MIS18BP1: variants seen among roughly 807,000 people sequenced by gnomAD.
The protein encoded by MIS18BP1 is MIS18 binding protein 1.
MIS18BP1 carries 72 observed loss-of-function variants against 116.1 expected under a neutral mutation model. The ratio of observed to expected loss-of-function variants is 0.62; its 90% CI spans 0.51 to 0.75. The LOEUF is 0.75. Ranked by LOEUF, MIS18BP1 falls within the 30% of genes least tolerant of loss-of-function variation. The pLI, the probability that MIS18BP1 is intolerant of heterozygous loss-of-function variation, is 0.00. For missense variants in MIS18BP1, 1,363 were observed against 1,303.2 expected, an observed-to-expected ratio of 1.05 and a Z score of -0.71; for synonymous variants, 386 against 427.0, an observed-to-expected ratio of 0.90 and a Z score of 1.18.
In MIS18BP1 at chr14:45,247,112, T is replaced by G; in HGVS notation, c.175A>C (p.Lys59Gln). ...QNSSLKLNDH[K>Q]KNQFLKMTTF... is the part of the protein sequence containing the mutation. ...GTCATTTTTAGGAACTGATTCTTTT[T>G]ATGGTCATTCAATTTTAAGGAGGAG... is the stretch of plus-strand genomic sequence containing the variant. Residue 59 changes from lysine (K) to glutamine (Q), a missense_variant, in exon 2 of 17, where the codon AAA becomes CAA. By Grantham distance (53) the Lys-to-Gln change is moderately conservative (BLOSUM62 1). Transcript: ENST00000310806. 1 of 1,612,920 alleles carries G rather than the reference T, an allele frequency of 6.2e-7. No homozygotes were observed. The highest frequency in any genetic ancestry group is 2.2e-5 in the East Asian group (1 of 44,844).
chr14:45,233,093 A>G (rs984819534), intron 6 of MIS18BP1, among the ~76,000 whole-genome samples: 1 of 152,172 alleles, frequency 6.6e-6, no homozygotes, highest in African/African-American at 2.4e-5. Flanking sequence ...AGGTGTATCG[A>G]TATGTCCATG....
At chr14:45,223,569 C>G (rs573791819) in intron 11 of MIS18BP1, among the ~76,000 whole-genome samples, 20 of 152,234 alleles carry the variant, frequency 1.3e-4, no homozygotes, top group Non-Finnish European at 2.5e-4. Flanking sequence ...GGGCGAGACT[C>G]CGTCTCAATC....
chr14:45,225,172 CA>C (rs933602049), intron 10 of MIS18BP1, among the ~76,000 whole-genome samples: 2 of 152,154 alleles, frequency 1.3e-5, no homozygotes, highest in Admixed American at 1.3e-4. Flanking sequence ...CATCTATAAA[CA>C]AAATCACTAC....
At chr14:45,249,253 G>T (rs192573927) in intron 1 of MIS18BP1, among the ~76,000 whole-genome samples, 1 of 151,944 alleles carries the variant, frequency 6.6e-6, no homozygotes, top group Non-Finnish European at 1.5e-5. Flanking sequence ...CACCCCACCC[G>T]GCTAATTTTT....
chr14:45,217,615 T>G (rs1890858933), intron 12 of MIS18BP1, among the ~76,000 whole-genome samples: 1 of 152,044 alleles, frequency 6.6e-6, no homozygotes, highest in South Asian at 2.1e-4. Flanking sequence ...CTTTTTTTTT[T>G]TGTAGAGATG....
At position 45,210,525 on chromosome 14, in the gene MIS18BP1, G is replaced by C; in HGVS notation, c.3007C>G (p.Pro1003Ala). ...TPLQHQRILLPSFQDSEDDDD... is the reference protein window; with the variant it reads ...TPLQHQRILLASFQDSEDDDD... ...TCATCTTCACTGTCCTGGAAACTTG[G>C]CAACTAGAAAACAAGTATTTATTAT... The change falls in exon 14 of 17, where the codon CCA becomes GCA. Residue 1003 changes from proline to alanine, a missense_variant. Physicochemically the swap from Pro to Ala is conservative, Grantham distance 27. Coordinates refer to ENST00000310806, the MANE Select transcript of MIS18BP1 (RefSeq NM_018353.5). 3.1e-6 allele frequency: 5 copies of C among 1,613,508 alleles called. No homozygotes were observed. Among genetic ancestry groups the C allele is most frequent in the Non-Finnish European group, 4.2e-6 (5 of 1,179,816 alleles).
intron 2 of MIS18BP1, among the ~76,000 whole-genome samples, chr14:45,244,862 G>C (rs1041401889): frequency 1.1e-4 from 16 of 152,076 alleles, no homozygotes; most frequent in Non-Finnish European, 2.2e-4. Context: ...TTAACAATTG[G>C]TCTGTCTGTG....
At chr14:45,236,853 C>T (rs1477292535) in intron 5 of MIS18BP1, among the ~76,000 whole-genome samples, 1 of 152,010 alleles carries the variant, frequency 6.6e-6, no homozygotes, top group Admixed American at 6.6e-5. Context: ...CCAGGTAATA[C>T]AGATAGTAGG....
At chr14:45,234,874 A>G (rs568138928) in intron 6 of MIS18BP1, among the ~76,000 whole-genome samples, 4 of 152,344 alleles carry the variant, frequency 2.6e-5, no homozygotes, top group South Asian at 2.1e-4. Context: ...TGATATTCTT[A>G]TAACATAATT....
At chr14:45,219,578 ATTTT>A (rs1046755113) in intron 11 of MIS18BP1, among the ~76,000 whole-genome samples, 2 of 152,210 alleles carry the variant, frequency 1.3e-5, no homozygotes, top group African/African-American at 4.8e-5. Flanking sequence ...AGTTTATATA[ATTTT>A]TTAATGACTT....
rs753274021 is a variant in MIS18BP1, at chr14:45,242,126, T to C, written c.1051A>G (p.Ile351Val). 2 of 1,614,154 alleles carry C rather than the reference T, an allele frequency of 1.2e-6. No homozygotes were observed. The highest frequency in any genetic ancestry group is 1.7e-5 in the Admixed American group (1 of 60,022). The change falls in exon 4 of 17, where the codon ATA becomes GTA. Residue 351 changes from isoleucine (I) to valine (V), a missense_variant. Coordinates refer to ENST00000310806, the MANE Select transcript of MIS18BP1 (RefSeq NM_018353.5). ...KIVLATPRLH[I>V]TIPRRSKRNI... ...CTTTTTGACCTCCGAGGTATTGTTA[T>C]ATGAAGTCTTGGTGTTGCAAGTACA...
intron 14 of MIS18BP1, 128 bp from the exon 15 acceptor site, chr14:45,206,298 T>C (rs1890515779): frequency 1.5e-6 from 1 of 664,000 alleles, no homozygotes; most frequent in Admixed American, 2.9e-5. Context: ...AATGTATTTC[T>C]TTTTTTGAAA....
chr14:45,247,981 T>A (rs1025048287), intron 1 of MIS18BP1, among the ~76,000 whole-genome samples: 4 of 151,984 alleles, frequency 2.6e-5, no homozygotes, highest in Non-Finnish European at 4.4e-5. Flanking sequence ...TGATTTTTTT[T>A]AATGTAGTGC....
At position 45,224,868 on chromosome 14, in the gene MIS18BP1, T is replaced by C. The variant is rs1285721466; in HGVS notation, c.1841-122A>G. 3 of 709,116 alleles carry C rather than the reference T, an allele frequency of 4.2e-6. No individual in the cohort carries two copies. The East Asian group carries it at 8.3e-5, about 20-fold the overall frequency. 43.9% of individuals were successfully genotyped at this position (709,116 alleles called of 1,614,324 possible). A position where few individuals can be genotyped will look rare whatever the true frequency, so the allele number is the denominator to read the frequency against. Reference sequence around the variant, plus strand: ...ATTTTTATCCACGAGCTACACTGTATACCCACCTGTCATATTAATCTTTCT... The same window carrying C: ...ATTTTTATCCACGAGCTACACTGTACACCCACCTGTCATATTAATCTTTCT... On this transcript the variant is annotated intron_variant, in intron 10 of 16. Coordinates refer to ENST00000310806, the MANE Select transcript of MIS18BP1 (RefSeq NM_018353.5).
In MIS18BP1 at chr14:45,246,956, G is replaced by A. The variant is rs1693415282; in HGVS notation, c.331C>T (p.Pro111Ser). The A allele has an allele frequency of 6.2e-7, 1 of 1,604,546 alleles. No individual in the cohort carries two copies. The highest frequency in any genetic ancestry group is 8.5e-7 in the Non-Finnish European group (1 of 1,177,822). ...GLKNKANYES[P>S]GKIFLRMKEK... ...TTCATTCTTAGAAATATTTTTCCTG[G>A]TGATTCATAGTTTGCTTTATTTTTT... Residue 111 changes from proline to serine, a missense_variant, in exon 2 of 17, where the codon CCA becomes TCA. Transcript: ENST00000310806.
chr14:45,246,616 A>G, intron 2 of MIS18BP1, 127 bp downstream of exon 2: 1 of 680,956 alleles, frequency 1.5e-6, no homozygotes, highest in South Asian at 4.0e-5. Flanking sequence ...CCATGTGAAT[A>G]TGAGCTACAC....
chr14:45,212,739 T>C (rs1168305858), intron 13 of MIS18BP1, among the ~76,000 whole-genome samples: 1 of 152,184 alleles, frequency 6.6e-6, no homozygotes, highest in East Asian at 1.9e-4. Context: ...AGTGAGCCTG[T>C]GTATAAATCC....
At chr14:45,229,550 G>T (rs1891219471) in intron 8 of MIS18BP1, among the ~76,000 whole-genome samples, 1 of 151,452 alleles carries the variant, frequency 6.6e-6, no homozygotes, top group Non-Finnish European at 1.5e-5. Flanking sequence ...GGACACAGCT[G>T]GTATGTAAAA....
Position 45,224,699 on chromosome 14 carries a change from C to T in MIS18BP1, c.1888G>A (p.Glu630Lys), listed in dbSNP as rs374369899. ...DVSIDILTSR[E>K]QFFSDEERKY... ...CTTTCTTCATCTGAGAAAAACTGTT[C>T]CCTTGAGGTTAGAATATCAATGGAT... is the stretch of plus-strand genomic sequence containing the variant. The change falls in exon 11 of 17, where the codon GAA becomes AAA. Residue 630 changes from glutamate to lysine, a missense_variant. Physicochemically the swap from Glu to Lys is moderately conservative, Grantham distance 56. Transcript: ENST00000310806. 11 of 1,607,214 alleles carry T rather than the reference C, an allele frequency of 6.8e-6. No individual in the cohort carries two copies. The highest frequency in any genetic ancestry group is 1.1e-5 in the South Asian group (1 of 89,388).
Sources: gnomAD v4.1 joint callset for allele counts (sites outside exome capture counted in the v4.1 genomes callset) on GRCh38, gnomAD v4.1.1 for gene constraint, MANE v1.5 for transcripts, NCBI Gene and HGNC (gene_info 2026-07-23, HGNC 2026-07-21) for gene names.